Variants in SEL1L2 observed in about 807,000 individuals in gnomAD.
SEL1L2 encodes SEL1L2 adaptor subunit of SYVN1 ubiquitin ligase, also known as protein sel-1 homolog 2.
Under a neutral mutation model 98.8 loss-of-function variants are expected in SEL1L2, and 89 were observed. The observed-to-expected ratio is 0.90, with a 90% CI of 0.76 to 1.07. SEL1L2 has a LOEUF of 1.07. Among genes scored for constraint, SEL1L2 ranks in the 50% least tolerant of loss-of-function variants. The pLI, the probability that SEL1L2 is intolerant of heterozygous loss-of-function variation, is 0.00. For missense variants in SEL1L2, 788 were observed against 812.0 expected (o/e 0.97, Z 0.36); for synonymous variants, 262 against 278.5 (o/e 0.94, Z 0.59).
chr20:13,850,441 T>A (rs1988059025), intron 18 of SEL1L2, 122 bp from the exon 19 acceptor site: 1 of 1,062,866 alleles, frequency 9.4e-7, no homozygotes, highest in Non-Finnish European at 1.4e-6. Context: ...TTATCATGGA[T>A]TATCCAAGTG....
In SEL1L2 at chr20:13,920,257, A is replaced by G. The variant is rs1183698068; in HGVS notation, c.284-1134T>C. 2.7e-5 allele frequency among the ~76,000 whole-genome samples: 4 copies of G among 150,652 alleles called. No individual in the cohort carries two copies. In the East Asian group the frequency reaches 7.8e-4, roughly 29 times the overall value. ...AAAAAAAAAAAAAAAAATTCTACCT[A>G]AGGCTTTTCCACCTCCCAGGACCCT... On this transcript the variant is annotated intron_variant, in intron 3 of 19. Transcript: ENST00000284951.
chr20:13,867,769 C>T (rs2045996295), intron 14 of SEL1L2, among the ~76,000 whole-genome samples: 2 of 152,132 alleles, frequency 1.3e-5, no homozygotes, highest in Admixed American at 6.5e-5. Flanking sequence ...GACTATTTTT[C>T]TTATTCTAGA....
At chr20:13,877,935 A>C (rs1398910523) in intron 10 of SEL1L2, among the ~76,000 whole-genome samples, 3 of 152,208 alleles carry the variant, frequency 2.0e-5, no homozygotes, top group Non-Finnish European at 2.9e-5. Flanking sequence ...TTTGAAAAGC[A>C]GGCTTCTCTG....
chr20:13,993,362 G>GA (rs2148599343), upstream of SEL1L2, among the ~76,000 whole-genome samples: 1 of 152,330 alleles, frequency 6.6e-6, no homozygotes, highest in Admixed American at 6.5e-5. Flanking sequence ...GCCATTCGAA[G>GA]AGATGGGGAA....
intron 1 of SEL1L2, among the ~76,000 whole-genome samples, chr20:13,983,081 A>ACG (rs2051943174): frequency 6.8e-6 from 1 of 147,354 alleles, no homozygotes; most frequent in Non-Finnish European, 1.5e-5. Context: ...GAAGAGAGAA[A>ACG]AAAACACATG....
intron 2 of SEL1L2, among the ~76,000 whole-genome samples, chr20:13,934,405 TATATATATATTCCATATATATATATTCC>T: frequency 9.7e-4 from 1 of 1,026 alleles, no homozygotes; most frequent in African/African-American, 1.9e-3. Context: ...ATATATTCCA[TATATATATATTCCATATATATATATTCC>T]ATATATATAT....
At chr20:13,994,281 G>T (rs1008368779), upstream of SEL1L2, among the ~76,000 whole-genome samples, 45 of 114,836 alleles carry the variant, frequency 3.9e-4, no homozygotes, top group South Asian at 1.9e-3. Context: ...GGGGACAAGA[G>T]TGAAACTCTG....
At chr20:13,945,950 T>A (rs1252370907) in intron 2 of SEL1L2, among the ~76,000 whole-genome samples, 1 of 152,024 alleles carries the variant, frequency 6.6e-6, no homozygotes, top group African/African-American at 2.4e-5. Flanking sequence ...ACATAATAAA[T>A]AAAGACCATA....
intron 5 of SEL1L2, among the ~76,000 whole-genome samples, chr20:13,903,171 C>T (rs990145565): frequency 1.0e-4 from 15 of 150,454 alleles, no homozygotes; most frequent in African/African-American, 3.7e-4. Context: ...AGCTGATCAA[C>T]CACTTTTAAT....
At position 13,869,582 on chromosome 20, in the gene SEL1L2, G is replaced by C. The variant is rs373742951; in HGVS notation, c.1176C>G (p.Ala392=). ...CTTTCTGAAAGTATTTAAGTGCTTCGGCATAATTCTGCAAGATAATTACAC... is the reference window on the plus strand; with the variant it reads ...CTTTCTGAAAGTATTTAAGTGCTTCCGCATAATTCTGCAAGATAATTACAC... ...FHGKGVPLNY[A]EALKYFQKAA... The change falls in exon 14 of 20, where the codon GCC becomes GCG. Residue 392 remains alanine, a synonymous_variant. Transcript: ENST00000284951. 1.2e-6 allele frequency: 2 copies of C among 1,613,506 alleles called. No homozygotes were observed. Among genetic ancestry groups the C allele is most frequent in the East Asian group, 2.2e-5 (1 of 44,866 alleles).
chr20:13,929,013 A>G (rs989355450), intron 3 of SEL1L2, among the ~76,000 whole-genome samples: 3 of 152,104 alleles, frequency 2.0e-5, no homozygotes, highest in African/African-American at 7.2e-5. Flanking sequence ...CATCAAAAGG[A>G]GATTATTCTA....
intron 18 of SEL1L2, 72 bp downstream of exon 18, chr20:13,859,190 C>A: frequency 7.0e-7 from 1 of 1,426,046 alleles, no homozygotes; most frequent in South Asian, 1.2e-5. Flanking sequence ...CAATGAAATT[C>A]AAAACATTTA....
intron 10 of SEL1L2, among the ~76,000 whole-genome samples, chr20:13,883,953 T>C (rs1304828307): frequency 2.0e-5 from 3 of 152,180 alleles, no homozygotes; most frequent in Non-Finnish European, 2.9e-5. Context: ...TCTAAGAAGC[T>C]AGAACTTTGG....
intron 1 of SEL1L2, among the ~76,000 whole-genome samples, chr20:13,984,726 T>A (rs918106650): frequency 6.6e-6 from 1 of 152,056 alleles, no homozygotes; most frequent in African/African-American, 2.4e-5. Context: ...TTTCCTTTTT[T>A]CTTTCTTTTT....
intron 5 of SEL1L2, among the ~76,000 whole-genome samples, chr20:13,896,485 A>G (rs889366945): frequency 6.6e-6 from 1 of 151,752 alleles, no homozygotes; most frequent in Non-Finnish European, 1.5e-5. Flanking sequence ...AAAAACAAAA[A>G]CAAACAAATA....
chr20:13,880,036 T>G (rs1165834439), intron 10 of SEL1L2, among the ~76,000 whole-genome samples: 1 of 152,202 alleles, frequency 6.6e-6, no homozygotes, highest in Non-Finnish European at 1.5e-5. Flanking sequence ...CCTCCAATGT[T>G]GAATCCTCTG....
At chr20:13,981,748 A>G (rs1334840672) in intron 1 of SEL1L2, among the ~76,000 whole-genome samples, 1 of 152,238 alleles carries the variant, frequency 6.6e-6, no homozygotes, top group Non-Finnish European at 1.5e-5. Context: ...CAGTCCTGTC[A>G]TAACACCTGG....
intron 5 of SEL1L2, among the ~76,000 whole-genome samples, chr20:13,907,766 CTTT>C (rs1406897129): frequency 3.2e-5 from 3 of 94,694 alleles, no homozygotes; most frequent in Admixed American, 2.3e-4. Flanking sequence ...CTTTTCTTTT[CTTT>C]TTTTTTCTTT....
intron 18 of SEL1L2, among the ~76,000 whole-genome samples, chr20:13,852,823 C>A (rs1158207601): frequency 2.6e-5 from 4 of 152,168 alleles, no homozygotes; most frequent in African/African-American, 9.6e-5. Context: ...TTGCCCGATG[C>A]AGGAGTTTTC....
Sources: gnomAD v4.1 joint callset for allele counts (sites outside exome capture counted in the v4.1 genomes callset) on GRCh38, gnomAD v4.1.1 for gene constraint, MANE v1.5 for transcripts, NCBI Gene and HGNC (gene_info 2026-07-23, HGNC 2026-07-21) for gene names.